Variants in TMC7 observed in about 807,000 individuals in gnomAD.
TMC7 encodes transmembrane channel-like protein 7.
In TMC7, 54 loss-of-function variants were observed where a neutral mutation model predicts 82.9. The ratio of observed to expected loss-of-function variants is 0.65; its 90% CI spans 0.52 to 0.82. The LOEUF (loss-of-function observed/expected upper bound fraction) is 0.82, where lower values mean the gene tolerates loss of function less well. Ranked by LOEUF, TMC7 falls within the 40% of genes least tolerant of loss-of-function variation. The pLI, the probability that TMC7 is intolerant of heterozygous loss-of-function variation, is 0.00. For synonymous variants in TMC7, 350 were observed against 337.9 expected, an observed-to-expected ratio of 1.04 and a Z score of -0.39; for missense variants, 820 against 901.2, an observed-to-expected ratio of 0.91 and a Z score of 1.15.
rs550313167 is a variant in TMC7, at chr16:19,035,888, A to G, written c.1005+65A>G. The G allele has an allele frequency of 9.9e-6, 15 of 1,509,680 alleles. No homozygotes were observed. In the East Asian group the frequency reaches 1.1e-4, roughly 12 times the overall value. The allele number at this position is 1,509,680 out of a possible 1,614,324, so 93.5% of individuals were successfully genotyped here. A position where few individuals can be genotyped will look rare whatever the true frequency, so the allele number is the denominator to read the frequency against. On this transcript the variant is annotated intron_variant, in intron 7 of 15. Transcript: ENST00000304381. ...AGCAAGGTCCTGCCTTTGGAGCCTG[A>G]GTTTTCAGCTTGCAGAGGATCAAGG...
chr16:19,029,849 G>A (rs1411953630), intron 5 of TMC7, among the ~76,000 whole-genome samples: 2 of 151,838 alleles, frequency 1.3e-5, no homozygotes, highest in Non-Finnish European at 2.9e-5. Flanking sequence ...AGTAGCTGGG[G>A]TTACAGGCGC....
chr16:19,009,056 A>T, intron 1 of TMC7, 116 bp from the exon 2 acceptor site: 1 of 1,203,806 alleles, frequency 8.3e-7, no homozygotes, highest in Non-Finnish European at 1.2e-6. Context: ...TGCTGTCGTC[A>T]CTGACCCAGG....
In TMC7 at chr16:19,013,076, C is replaced by G. The variant is rs1959465290; in HGVS notation, c.312-3374C>G. Among the ~76,000 whole-genome samples the G allele has an allele frequency of 2.6e-5, 4 of 151,510 alleles. No homozygotes were observed. In the South Asian group the frequency reaches 8.3e-4, roughly 32 times the overall value. On this transcript the variant is annotated intron_variant, in intron 2 of 15. Transcript: ENST00000304381. ...AGGTGATCCGCCTGCCTTGGCCTCCCAAAGTGCTGGGATTACAGGCTTAGC... is the reference window on the plus strand; with the variant it reads ...AGGTGATCCGCCTGCCTTGGCCTCCGAAAGTGCTGGGATTACAGGCTTAGC...
At chr16:18,990,444 G>A (rs1373264129) in intron 1 of TMC7, among the ~76,000 whole-genome samples, 1 of 152,090 alleles carries the variant, frequency 6.6e-6, no homozygotes, top group Admixed American at 6.6e-5. Context: ...ACAGGTGCCC[G>A]CCACCATGCC....
intron 1 of TMC7, chr16:18,984,409 A>G: frequency 8.0e-7 from 1 of 1,248,670 alleles, no homozygotes; most frequent in Non-Finnish European, 1.0e-6. Flanking sequence ...CTGTTGACCG[A>G]GACAGTCTTT....
intron 15 of TMC7, among the ~76,000 whole-genome samples, chr16:19,060,895 TCCTTCCTCAG>T (rs1961976266): frequency 6.6e-6 from 1 of 151,786 alleles, no homozygotes; most frequent in Admixed American, 6.6e-5. Flanking sequence ...CAATTGATTC[TCCTTCCTCAG>T]CCTCCCAAGT....
intron 3 of TMC7, among the ~76,000 whole-genome samples, chr16:19,018,258 A>C (rs552588051): frequency 6.6e-6 from 1 of 152,230 alleles, no homozygotes; most frequent in Non-Finnish European, 1.5e-5. Context: ...CTACTTTCCT[A>C]TAATGGTGAG....
At chr16:19,061,733 G>C (rs767818202) in intron 15 of TMC7, 45 bp from the exon 16 acceptor site, 168 of 1,554,752 alleles carry the variant, frequency 1.1e-4, no homozygotes, top group Non-Finnish European at 1.4e-4. Flanking sequence ...GATGGTATTT[G>C]TTTCCAAATA....
At chr16:19,045,258 G>C (rs1596785620) in intron 10 of TMC7, 83 bp from the exon 11 acceptor site, 1 of 1,124,680 alleles carries the variant, frequency 8.9e-7, no homozygotes, top group Admixed American at 1.7e-5. Flanking sequence ...GAGTTGGAAA[G>C]GGAATTAGAA....
At chr16:18,986,962 G>A (rs1282138909) in intron 1 of TMC7, among the ~76,000 whole-genome samples, 3 of 151,998 alleles carry the variant, frequency 2.0e-5, no homozygotes, top group South Asian at 2.1e-4. Context: ...CCGCCACCAC[G>A]CCTGGCTAAT....
chr16:19,023,467 G>A (rs1328647877), intron 5 of TMC7, among the ~76,000 whole-genome samples: 2 of 152,022 alleles, frequency 1.3e-5, no homozygotes. Flanking sequence ...ATTTTTTTGA[G>A]ATGGAGTCTC....
chr16:19,038,268 T>G (rs913944755), intron 8 of TMC7, among the ~76,000 whole-genome samples: 1 of 152,204 alleles, frequency 6.6e-6, no homozygotes, highest in Non-Finnish European at 1.5e-5. Flanking sequence ...TTGTCTTGGC[T>G]CACTGCAGCC....
intron 2 of TMC7, among the ~76,000 whole-genome samples, chr16:19,015,247 A>G (rs1201781315): frequency 6.6e-6 from 1 of 150,746 alleles, no homozygotes; most frequent in African/African-American, 2.4e-5. Context: ...TACAAGTGTG[A>G]GCCACTGTGC....
intron 1 of TMC7, among the ~76,000 whole-genome samples, chr16:18,989,122 G>A (rs151055542): frequency 3.9e-4 from 59 of 151,838 alleles, no homozygotes; most frequent in Admixed American, 1.1e-3. Flanking sequence ...TCCAGTAGAC[G>A]GTGTTAAACT....
intron 1 of TMC7, among the ~76,000 whole-genome samples, chr16:19,003,814 A>G (rs1461848356): frequency 5.2e-4 from 47 of 90,574 alleles, no homozygotes; most frequent in African/African-American, 2.0e-3. Context: ...GTGCTTTGTT[A>G]AACAGATGCT....
intron 12 of TMC7, among the ~76,000 whole-genome samples, chr16:19,049,949 AT>A (rs1202013709): frequency 2.6e-5 from 4 of 152,282 alleles, no homozygotes; most frequent in South Asian, 4.1e-4. Context: ...GGAAATACTT[AT>A]TTTTAACATG....
intron 12 of TMC7, among the ~76,000 whole-genome samples, chr16:19,047,513 C>T (rs1961335208): frequency 2.0e-5 from 3 of 150,766 alleles, no homozygotes; most frequent in Non-Finnish European, 4.4e-5. Context: ...TCTCCTGCCC[C>T]AGCCTCCCGA....
intron 14 of TMC7, among the ~76,000 whole-genome samples, 197 bp downstream of exon 14, chr16:19,056,894 G>A (rs573823784): frequency 1.3e-5 from 2 of 152,232 alleles, no homozygotes; most frequent in East Asian, 3.9e-4. Context: ...GGTGGCTGAG[G>A]CGGGCAGATC....
chr16:19,013,815 G>A (rs564674150), intron 2 of TMC7, among the ~76,000 whole-genome samples: 66 of 150,078 alleles, frequency 4.4e-4, no homozygotes, highest in Non-Finnish European at 8.3e-4. Context: ...CACTGCGCCC[G>A]GCCGAGGGAG....
Sources: gnomAD v4.1 joint callset for allele counts (sites outside exome capture counted in the v4.1 genomes callset) on GRCh38, gnomAD v4.1.1 for gene constraint, MANE v1.5 for transcripts, NCBI Gene and HGNC (gene_info 2026-07-23, HGNC 2026-07-21) for gene names.